TYR: variants seen among roughly 807,000 people sequenced by gnomAD.
TYR encodes the protein tyrosinase, also known as LB24-AB.
TYR carries 58 observed loss-of-function variants against 51.5 expected under a neutral mutation model. The ratio of observed to expected loss-of-function variants is 1.13; its 90% CI spans 0.91 to 1.40. The LOEUF is 1.40. Ranked by LOEUF, TYR falls within the 40% of genes most tolerant of loss-of-function variation. TYR has a pLI of 0.00. For missense variants in TYR, 732 were observed against 647.4 expected (o/e 1.13, Z -1.42); for synonymous variants, 263 against 235.2 (o/e 1.12, Z -1.08).
chr11:89,264,002 T>C (rs1307501833), intron 3 of TYR, among the ~76,000 whole-genome samples: 2 of 152,090 alleles, frequency 1.3e-5, no homozygotes, highest in African/African-American at 2.4e-5. Flanking sequence ...AGAGCCTCAC[T>C]GCTCTTAATG....
chr11:89,211,710 A>G (rs993234168), intron 2 of TYR, among the ~76,000 whole-genome samples: 3 of 152,156 alleles, frequency 2.0e-5, no homozygotes, highest in Admixed American at 6.5e-5. Flanking sequence ...AAAACACTCC[A>G]CAGCAAATGT....
intron 3 of TYR, among the ~76,000 whole-genome samples, chr11:89,244,366 T>A (rs1375573357): frequency 3.9e-5 from 6 of 152,138 alleles, no homozygotes; most frequent in Admixed American, 1.3e-4. Flanking sequence ...TTTCTCTCTG[T>A]CCAGCTCCAG....
intron 3 of TYR, among the ~76,000 whole-genome samples, chr11:89,284,379 T>G (rs1220928160): frequency 6.6e-6 from 1 of 151,794 alleles, no homozygotes; most frequent in Non-Finnish European, 1.5e-5. Context: ...GACCAAATTC[T>G]AGCACTGTTT....
Position 89,178,234 on chromosome 11 carries a change from AC to A in TYR, c.282del (p.Phe95SerfsTer25). 6.2e-7 allele frequency: 1 copy of A among 1,614,168 alleles called. No homozygotes were observed. The highest frequency in any genetic ancestry group is 1.3e-5 in the African/African-American group (1 of 75,056). On this transcript the variant is annotated frameshift_variant, in exon 1 of 5. Coordinates refer to ENST00000263321, the MANE Select transcript of TYR (RefSeq NM_000372.5). LOFTEE classifies it high-confidence loss of function. ...FYNRTCQCSG[N>X]FMGFNCGNCK... ...AATAGGACCTGCCAGTGCTCTGGCA[AC>A]TTCATGGGATTCAACTGTGGAAACT...
rs11453031 is a variant in TYR at position 89,264,735 on chromosome 11, C to CAAA, written c.1185-20028_1185-20026dup. On this transcript the variant is annotated intron_variant, in intron 3 of 4. Coordinates refer to ENST00000263321, the MANE Select transcript of TYR (RefSeq NM_000372.5). ...CATACACCGTGGAATACTATGCAGC[C>CAAA]AAAAAAAAAAAACAAACAAACAAAC... 2.4e-4 allele frequency among the ~76,000 whole-genome samples: 32 copies of CAAA among 135,418 alleles called. 1 individual carries two copies. Among genetic ancestry groups the CAAA allele is most frequent in the African/African-American group, 6.4e-4 (24 of 37,596 alleles). The allele number at this position is 135,418 out of a possible 152,430, so 88.8% of individuals were successfully genotyped here.
intron 1 of TYR, among the ~76,000 whole-genome samples, chr11:89,185,650 T>A (rs542967647): frequency 9.2e-5 from 14 of 152,224 alleles, no homozygotes; most frequent in Non-Finnish European, 1.6e-4. Flanking sequence ...GCCCCAAGCC[T>A]CCCACGGAAG....
At chr11:89,184,085 A>G (rs1943335641) in intron 1 of TYR, among the ~76,000 whole-genome samples, 1 of 152,144 alleles carries the variant, frequency 6.6e-6, no homozygotes, top group Non-Finnish European at 1.5e-5. Context: ...CAATGCTAAT[A>G]TAATTTCTCC....
At chr11:89,290,718 C>A (rs1220573016) in intron 4 of TYR, among the ~76,000 whole-genome samples, 1 of 151,946 alleles carries the variant, frequency 6.6e-6, no homozygotes, top group Admixed American at 6.6e-5. Context: ...TTTAAGGGAA[C>A]TTCCCCCAAA....
At chr11:89,235,206 C>G (rs377023340) in intron 3 of TYR, among the ~76,000 whole-genome samples, 1 of 152,024 alleles carries the variant, frequency 6.6e-6, no homozygotes, top group Non-Finnish European at 1.5e-5. Flanking sequence ...GTGGAGAACA[C>G]GGAACACATG....
chr11:89,293,114 G>A (rs554062368), intron 4 of TYR, among the ~76,000 whole-genome samples: 42 of 151,300 alleles, frequency 2.8e-4, no homozygotes, highest in African/African-American at 9.7e-4. Context: ...TTCTTATATG[G>A]CTACTATTAA....
At chr11:89,241,222 T>C (rs1051135829) in intron 3 of TYR, among the ~76,000 whole-genome samples, 10 of 152,304 alleles carry the variant, frequency 6.6e-5, no homozygotes, top group Admixed American at 1.3e-4. Context: ...CCAGGTCTTG[T>C]GACAGAAATT....
intron 3 of TYR, among the ~76,000 whole-genome samples, chr11:89,249,397 C>A (rs1944305385): frequency 8.1e-6 from 1 of 122,932 alleles, no homozygotes; most frequent in Non-Finnish European, 1.6e-5. Context: ...TCAGCAAAAG[C>A]AAAGAAGACA....
chr11:89,245,853 G>A (rs188238524), intron 3 of TYR, among the ~76,000 whole-genome samples: 5 of 151,930 alleles, frequency 3.3e-5, no homozygotes, highest in Admixed American at 2.0e-4. Context: ...ACCTGGAGGC[G>A]GAGCTTGCAA....
intron 2 of TYR, among the ~76,000 whole-genome samples, chr11:89,214,815 G>C (rs1943812049): frequency 6.6e-6 from 1 of 152,110 alleles, no homozygotes; most frequent in Non-Finnish European, 1.5e-5. Flanking sequence ...GAGACTAAGA[G>C]GCAGTAAATC....
intron 2 of TYR, among the ~76,000 whole-genome samples, chr11:89,224,782 G>A (rs1943956090): frequency 6.6e-6 from 1 of 152,138 alleles, no homozygotes; most frequent in Non-Finnish European, 1.5e-5. Context: ...ATTGGTGCTA[G>A]TGTTGCCAAC....
chr11:89,248,935 T>C (rs1944299508), intron 3 of TYR, among the ~76,000 whole-genome samples: 1 of 152,012 alleles, frequency 6.6e-6, no homozygotes, highest in African/African-American at 2.4e-5. Flanking sequence ...GTTAGTAATT[T>C]TAAAAATAAA....
At chr11:89,208,596 T>C (rs1943706003) in intron 2 of TYR, among the ~76,000 whole-genome samples, 1 of 152,210 alleles carries the variant, frequency 6.6e-6, no homozygotes, top group South Asian at 2.1e-4. Context: ...AGATGAATAA[T>C]TATTGTGCCA....
At chr11:89,277,345 T>A (rs1396342308) in intron 3 of TYR, among the ~76,000 whole-genome samples, 1 of 151,808 alleles carries the variant, frequency 6.6e-6, no homozygotes. Flanking sequence ...GCTGGAGGCA[T>A]CGCAAGCTGC....
At chr11:89,237,288 T>C (rs1323095576) in intron 3 of TYR, among the ~76,000 whole-genome samples, 2 of 152,198 alleles carry the variant, frequency 1.3e-5, no homozygotes, top group Non-Finnish European at 2.9e-5. Flanking sequence ...CAGACCCATG[T>C]CATGGAGCGT....
Sources: allele counts gnomAD v4.1 joint callset (sites outside exome capture counted in the v4.1 genomes callset), GRCh38; gene constraint gnomAD v4.1.1; transcripts MANE v1.5; gene names NCBI Gene and HGNC (gene_info 2026-07-23, HGNC 2026-07-21).